Variants in TIAM1 observed in about 807,000 individuals in gnomAD.
TIAM1 encodes the protein TIAM Rac1 associated GEF 1.
In TIAM1, 65 loss-of-function variants were observed where a neutral mutation model predicts 163.5. The observed-to-expected ratio is 0.40, with a 90% CI of 0.33 to 0.49. The LOEUF is 0.49. TIAM1 is among the 20% of genes least tolerant of loss of function. The pLI is 0.77. For synonymous variants in TIAM1, 833 were observed against 810.1 expected, an observed-to-expected ratio of 1.03 and a Z score of -0.48; for missense variants, 1,789 against 2,044.7, an observed-to-expected ratio of 0.87 and a Z score of 2.41.
chr21:31,140,216 A>AGAGAAAG (rs759029266), intron 22 of TIAM1, among the ~76,000 whole-genome samples: 15 of 152,266 alleles, frequency 9.9e-5, no homozygotes, highest in Non-Finnish European at 1.8e-4. Context: ...TCTCTAGCCT[A>AGAGAAAG]CACTAAACAA....
At chr21:31,285,890 TTAAAA>T (rs2073790521) in intron 2 of TIAM1, among the ~76,000 whole-genome samples, 1 of 152,038 alleles carries the variant, frequency 6.6e-6, no homozygotes, top group Non-Finnish European at 1.5e-5. Context: ...AATCAATTAA[TTAAAA>T]TAAAAGAGAG....
rs565046121 is a variant in TIAM1, at chr21:31,258,400, G to A, written c.964-6211C>T. Among the ~76,000 whole-genome samples, 47 of 152,186 alleles carry A rather than the reference G, an allele frequency of 3.1e-4. 1 individual carries two copies. Among genetic ancestry groups the A allele is most frequent in the Non-Finnish European group, 5.9e-4 (40 of 68,040 alleles). ...TCAGCTCATGCTCAACTAAAGTTGAGGTGACAAATGAGTCCTAGCTATAAA... is the reference window on the plus strand; with the variant it reads ...TCAGCTCATGCTCAACTAAAGTTGAAGTGACAAATGAGTCCTAGCTATAAA... On this transcript the variant is annotated intron_variant, in intron 4 of 27. Transcript: ENST00000541036.
At chr21:31,162,655 T>G (rs941808562) in intron 16 of TIAM1, among the ~76,000 whole-genome samples, 1 of 151,692 alleles carries the variant, frequency 6.6e-6, no homozygotes, top group African/African-American at 2.4e-5. Flanking sequence ...TTTTTTTTTT[T>G]TTTTGAGATG....
rs748927967 is a variant in TIAM1, at chr21:31,266,172, A to C, written c.801T>G (p.Leu267=). Residue 267 remains leucine, a synonymous_variant, in exon 4 of 28, where the codon CTT becomes CTG. Transcript: ENST00000541036. ...CRNLVSDIPN[L]ANHKMPPAAA... ...CAGCTGGTGGCATCTTATGGTTTGC[A>C]AGATTGGGAATATCAGACACCAAAT... 17 of 1,614,056 alleles carry C rather than the reference A, an allele frequency of 1.1e-5. 1 individual carries two copies. In the South Asian group the frequency reaches 1.8e-4, roughly 17 times the overall value.
chr21:31,315,342 T>G (rs1178020598), intron 2 of TIAM1, among the ~76,000 whole-genome samples: 3 of 150,954 alleles, frequency 2.0e-5, no homozygotes, highest in Non-Finnish European at 4.4e-5. Context: ...GTGAAACCCC[T>G]TCTCTACTAA....
In TIAM1 at chr21:31,525,031, C is replaced by T. The variant is rs137961316; in HGVS notation, c.-422+33896G>A. On this transcript the variant is annotated intron_variant, in intron 1 of 28. Coordinates refer to the TIAM1 transcript ENST00000286827. ...CTCATGGTGGAAGGAAAAGGGGGAG[C>T]GAGCATGTCACGTGGCAAGGAGGAG... Among the ~76,000 whole-genome samples, 1,404 of 151,984 alleles carry T rather than the reference C, an allele frequency of 9.2e-3. 18 individuals are homozygous for T. Among genetic ancestry groups the T allele is most frequent in the South Asian group, 0.042 (203 of 4,812 alleles).
At chr21:31,497,090 T>G (rs2046688389) in intron 1 of TIAM1, among the ~76,000 whole-genome samples, 1 of 152,182 alleles carries the variant, frequency 6.6e-6, no homozygotes, top group Admixed American at 6.5e-5. Flanking sequence ...GCGGCCCTGT[T>G]CCTAACAGGC....
chr21:31,506,054 C>T (rs559365286), intron 1 of TIAM1, among the ~76,000 whole-genome samples: 1 of 147,960 alleles, frequency 6.8e-6, no homozygotes, highest in South Asian at 2.1e-4. Flanking sequence ...CAACAGGAAA[C>T]GACCAACTTG....
intron 2 of TIAM1, among the ~76,000 whole-genome samples, chr21:31,400,726 T>C (rs148702418): frequency 4.6e-5 from 7 of 152,316 alleles, no homozygotes; most frequent in African/African-American, 1.7e-4. Flanking sequence ...CTCTTCTCTG[T>C]CTTTACCATT....
At chr21:31,375,018 C>T (rs2076659965) in intron 2 of TIAM1, among the ~76,000 whole-genome samples, 1 of 152,194 alleles carries the variant, frequency 6.6e-6, no homozygotes, top group Non-Finnish European at 1.5e-5. Flanking sequence ...CTGGTCTTTA[C>T]ATTAGACACA....
chr21:31,204,983 T>C (rs1251912335), intron 11 of TIAM1, among the ~76,000 whole-genome samples: 1 of 152,228 alleles, frequency 6.6e-6, no homozygotes, highest in African/African-American at 2.4e-5. Context: ...TCACTGCCTA[T>C]ATTTGAGACC....
intron 15 of TIAM1, among the ~76,000 whole-genome samples, chr21:31,179,902 A>ATTTT (rs764892757): frequency 6.9e-5 from 9 of 131,258 alleles, no homozygotes; most frequent in African/African-American, 2.7e-4. Flanking sequence ...ACATACACAG[A>ATTTT]TTTTTTTTTT....
At chr21:31,468,768 T>C (rs1038591776) in intron 1 of TIAM1, among the ~76,000 whole-genome samples, 1 of 151,786 alleles carries the variant, frequency 6.6e-6, no homozygotes, top group Non-Finnish European at 1.5e-5. Flanking sequence ...AGAGCGAGAC[T>C]CCATCTCAAA....
intron 20 of TIAM1, among the ~76,000 whole-genome samples, chr21:31,144,973 A>AATCTAATTAATTAAATCTAATT (rs2083044356): frequency 1.3e-5 from 2 of 152,172 alleles, no homozygotes; most frequent in African/African-American, 4.8e-5. Flanking sequence ...AATCTAATTG[A>AATCTAATTAATTAAATCTAATT]GTGATTAAAA....
At chr21:31,149,160 C>T (rs1359500827) in intron 19 of TIAM1, among the ~76,000 whole-genome samples, 1 of 152,046 alleles carries the variant, frequency 6.6e-6, no homozygotes, top group Non-Finnish European at 1.5e-5. Flanking sequence ...CCATAAACAG[C>T]AAAGTGAAGG....
intron 2 of TIAM1, among the ~76,000 whole-genome samples, chr21:31,457,584 T>A (rs1399765009): frequency 6.6e-6 from 1 of 152,206 alleles, no homozygotes; most frequent in Non-Finnish European, 1.5e-5. Context: ...ACCACAAATG[T>A]AGATGACAAA....
chr21:31,449,920 G>C (rs1032555455), intron 2 of TIAM1, among the ~76,000 whole-genome samples: 1 of 152,310 alleles, frequency 6.6e-6, no homozygotes, highest in East Asian at 1.9e-4. Context: ...AAAAGCAAAT[G>C]CCTGGCAGGT....
chr21:31,235,778 T>C (rs1380509564), intron 6 of TIAM1, among the ~76,000 whole-genome samples: 1 of 152,216 alleles, frequency 6.6e-6, no homozygotes, highest in Non-Finnish European at 1.5e-5. Flanking sequence ...TACATAACAG[T>C]ATAGAAATTG....
intron 1 of TIAM1, among the ~76,000 whole-genome samples, chr21:31,465,047 T>C (rs1486619361): frequency 1.3e-5 from 2 of 151,052 alleles, no homozygotes; most frequent in Non-Finnish European, 2.9e-5. Flanking sequence ...AAATGAAAAA[T>C]ATCAGCCTGG....
Sources: allele counts gnomAD v4.1 joint callset (sites outside exome capture counted in the v4.1 genomes callset), GRCh38; gene constraint gnomAD v4.1.1; transcripts MANE v1.5; gene names NCBI Gene and HGNC (gene_info 2026-07-23, HGNC 2026-07-21).